The following LPL variants were observed in gnomAD, a reference collection of about 807,000 sequenced individuals.
LPL encodes lipoprotein lipase.
LPL carries 43 observed loss-of-function variants against 52.2 expected under a neutral mutation model. That is an observed-to-expected ratio of 0.82 (90% CI 0.64 to 1.06). LPL has a LOEUF of 1.06. LPL is among the 50% of genes least tolerant of loss of function. LPL has a pLI of 0.00. For missense variants in LPL, 639 were observed against 585.3 expected (o/e 1.09, Z -0.95); for synonymous variants, 244 against 215.6 (o/e 1.13, Z -1.15).
chr8:19,957,306 G>A (rs2069994605), intron 6 of LPL, among the ~76,000 whole-genome samples: 1 of 152,210 alleles, frequency 6.6e-6, no homozygotes, highest in Admixed American at 6.5e-5. Flanking sequence ...AATCCAGATG[G>A]AAACCTGAGG....
rs2069866010 is a variant in LPL, at chr8:19,944,390, C to T, written c.89-3790C>T. 1.4e-5 allele frequency among the ~76,000 whole-genome samples: 2 copies of T among 143,592 alleles called. No homozygotes were observed. The highest frequency in any genetic ancestry group is 5.2e-5 in the African/African-American group (2 of 38,114). 94.2% of individuals were successfully genotyped at this position (143,592 alleles called of 152,430 possible). On this transcript the variant is annotated intron_variant, in intron 1 of 9. Transcript: ENST00000650287. The surrounding 1 kb of genome is among the most constrained non-coding windows in gnomAD (Gnocchi z 4.2). ...ACACTGCCTGAGTCGATAACTATGA[C>T]TATCAGTCTCAGAGAGCAAATGAAT...
intron 1 of LPL, among the ~76,000 whole-genome samples, chr8:19,945,993 A>C (rs1333476224): frequency 6.6e-6 from 1 of 152,162 alleles, no homozygotes; most frequent in Middle Eastern, 3.2e-3. Flanking sequence ...TAACAGGAAA[A>C]GAAGTTCTTG....
At chr8:19,947,656 ACC>A (rs11320112) in intron 1 of LPL, among the ~76,000 whole-genome samples, 3 of 69,712 alleles carry the variant, frequency 4.3e-5, no homozygotes, top group African/African-American at 1.2e-4. Flanking sequence ...AAACAAAACA[ACC>A]CCCCCCCCGC....
Position 19,939,349 on chromosome 8 carries a change from A to G in LPL, c.-92A>G, listed in dbSNP as rs1386508757. The G allele has an allele frequency of 7.7e-7, 1 of 1,296,200 alleles. No individual in the cohort carries two copies. Among genetic ancestry groups the G allele is most frequent in the African/African-American group, 1.5e-5 (1 of 68,236 alleles). The allele number at this position is 1,296,200 out of a possible 1,614,324, so 80.3% of individuals were successfully genotyped here. ...TTTAAAGGGCGACTTGCTCAGCGCC[A>G]AACCGCGGCTCCAGCCCTCTCCAGC... On this transcript the variant is annotated 5_prime_UTR_variant, in exon 1 of 10. Coordinates refer to ENST00000650287, the MANE Select transcript of LPL (RefSeq NM_000237.3). This position sits in a 1 kb window ranked among gnomAD's most constrained non-coding sequence, Gnocchi z 4.0.
At chr8:19,941,764 C>T (rs1046477325) in intron 1 of LPL, among the ~76,000 whole-genome samples, 1 of 152,152 alleles carries the variant, frequency 6.6e-6, no homozygotes, top group African/African-American at 2.4e-5. Flanking sequence ...AGAAAGATGT[C>T]ACCGTGGTAG....
intron 7 of LPL, among the ~76,000 whole-genome samples, chr8:19,960,591 G>T (rs899475418): frequency 3.9e-5 from 6 of 152,120 alleles, no homozygotes; most frequent in Non-Finnish European, 8.8e-5. Flanking sequence ...TAATGTTCAA[G>T]TATCAACACA....
rs1458811290 is a variant in LPL, at chr8:19,965,606, C to T, written c.*296C>T. The T allele has an allele frequency of 3.5e-5, 13 of 376,182 alleles. No individual in the cohort carries two copies. Among genetic ancestry groups the T allele is most frequent in the East Asian group, 2.2e-4 (5 of 22,948 alleles). The allele number at this position is 376,182 out of a possible 1,614,324, so 23.3% of individuals were successfully genotyped here. A position where few individuals can be genotyped will look rare whatever the true frequency, so the allele number is the denominator to read the frequency against. On this transcript the variant is annotated 3_prime_UTR_variant, in exon 10 of 10. Coordinates refer to ENST00000650287, the MANE Select transcript of LPL (RefSeq NM_000237.3). ...TTTGAGAAAGAAATAATTGTTTGAG[C>T]GCAGAGTAAAATAAGGCTCCTTCAT...
chr8:19,950,830 A>C lies in LPL; in HGVS notation c.250-939A>C, dbSNP rs2069927206. Among the ~76,000 whole-genome samples the C allele has an allele frequency of 6.7e-6, 1 of 148,594 alleles. No homozygotes were observed. Among genetic ancestry groups the C allele is most frequent in the African/African-American group, 2.5e-5 (1 of 39,958 alleles). On this transcript the variant is annotated intron_variant, in intron 2 of 9. Coordinates refer to ENST00000650287, the MANE Select transcript of LPL (RefSeq NM_000237.3). This position sits in a 1 kb window ranked among gnomAD's most constrained non-coding sequence, Gnocchi z 4.2. Reference sequence around the variant, plus strand: ...AGAAAGGAAAGAAAGGAGGGAAAGAAAGGAAGGAATGAAAGGAAGGAAGGG... The same window carrying C: ...AGAAAGGAAAGAAAGGAGGGAAAGACAGGAAGGAATGAAAGGAAGGAAGGG...
Position 19,965,495 on chromosome 8 carries a change from C to A in LPL, c.*185C>A. 1.7e-6 allele frequency: 1 copy of A among 574,442 alleles called. No individual in the cohort carries two copies. The highest frequency in any genetic ancestry group is 3.1e-6 in the Non-Finnish European group (1 of 321,590). The allele number at this position is 574,442 out of a possible 1,614,324, so 35.6% of individuals were successfully genotyped here. On this transcript the variant is annotated 3_prime_UTR_variant, in exon 10 of 10. Coordinates refer to ENST00000650287, the MANE Select transcript of LPL (RefSeq NM_000237.3). ...GACAGTCTCAAGCACTAAAAAGTGG[C>A]TAATTCAATTTATGGGGTATAGTGG... is the stretch of plus-strand genomic sequence containing the variant.
rs768747119 is a variant in LPL, at chr8:19,962,172, G to A, written c.1380G>A (p.Ala460=). The change falls in exon 9 of 10, where the codon GCG becomes GCA. Residue 460 remains alanine, a synonymous_variant. Transcript: ENST00000650287. ...ATTTGCAGAAAGGAAAGGCACCTGCGGTATTTGTGAAATGCCATGACAAGT... is the reference window on the plus strand; with the variant it reads ...ATTTGCAGAAAGGAAAGGCACCTGCAGTATTTGTGAAATGCCATGACAAGT... The part of the protein sequence containing the change: ...VSHLQKGKAP[A]VFVKCHDKSL... 20 of 1,613,694 alleles carry A rather than the reference G, an allele frequency of 1.2e-5. No homozygotes were observed. The highest frequency in any genetic ancestry group is 3.3e-5 in the South Asian group (3 of 91,054).
chr8:19,953,238 T>C (rs1342032567), intron 3 of LPL, 72 bp from the exon 4 acceptor site: 2 of 880,486 alleles, frequency 2.3e-6, no homozygotes. Context: ...ACAATATTTA[T>C]ATTCATTTTG....
rs316 is a variant in LPL, at chr8:19,960,925, C to A, written c.1164C>A (p.Thr388=). The change falls in exon 8 of 10, where the codon ACC becomes ACA. Residue 388 remains threonine (T), a synonymous_variant. Transcript: ENST00000650287. The stretch of plus-strand genomic sequence containing the variant: ...GGCCTGAAGTTTCCACAAATAAGAC[C>A]TACTCCTTCCTAATTTACACAGAGG... ...FTLPEVSTNK[T]YSFLIYTEVD... The A allele has an allele frequency of 0.13, 209,269 of 1,612,340 alleles. 14,307 individuals are homozygous for A. The highest frequency in any genetic ancestry group is 0.22 in the African/African-American group (16,764 of 74,848).
At chr8:19,940,017 C>T (rs897743918) in intron 1 of LPL, among the ~76,000 whole-genome samples, 7 of 152,198 alleles carry the variant, frequency 4.6e-5, no homozygotes, top group Non-Finnish European at 1.0e-4. Flanking sequence ...GTGGCCCCTT[C>T]TGGGGAAGCC....
At position 19,956,025 on chromosome 8, in the gene LPL, C is replaced by A; in HGVS notation, c.960C>A (p.Val320=). 1 of 1,614,168 alleles carries A rather than the reference C, an allele frequency of 6.2e-7. No homozygotes were observed. The highest frequency in any genetic ancestry group is 8.5e-7 in the Non-Finnish European group (1 of 1,180,040). Reference sequence around the variant, plus strand: ...ATCTGGGCTATGAGATCAATAAAGTCAGAGCCAAAAGAAGCAGCAAAATGT... The same window carrying A: ...ATCTGGGCTATGAGATCAATAAAGTAAGAGCCAAAAGAAGCAGCAAAATGT... ...CNNLGYEINK[V]RAKRSSKMYL... is the part of the protein sequence containing the mutation. Residue 320 remains valine (V), a synonymous_variant, in exon 6 of 10, where the codon GTC becomes GTA. Transcript: ENST00000650287.
chr8:19,940,940 C>T (rs1453115335), intron 1 of LPL, among the ~76,000 whole-genome samples: 2 of 151,574 alleles, frequency 1.3e-5, no homozygotes, highest in African/African-American at 4.9e-5. Flanking sequence ...AAAAAAAATA[C>T]AAAAATTAGC....
intron 2 of LPL, among the ~76,000 whole-genome samples, chr8:19,949,505 T>C (rs1318725624): frequency 6.6e-6 from 1 of 152,212 alleles, no homozygotes; most frequent in Non-Finnish European, 1.5e-5. Flanking sequence ...TTTTTTGAGA[T>C]GGAGGCTCAC....
chr8:19,963,794 T>C (rs975806932), intron 9 of LPL, among the ~76,000 whole-genome samples: 1 of 152,176 alleles, frequency 6.6e-6, no homozygotes, highest in Non-Finnish European at 1.5e-5. Flanking sequence ...GAATAGTTAG[T>C]GGTATTGAGC....
chr8:19,959,764 CAA>C (rs938257584), intron 7 of LPL, among the ~76,000 whole-genome samples: 1 of 116,806 alleles, frequency 8.6e-6, no homozygotes, highest in Admixed American at 9.4e-5. Flanking sequence ...AAGTCCATGA[CAA>C]AGTGTTAGCT....
At chr8:19,946,147 T>C (rs910839623) in intron 1 of LPL, among the ~76,000 whole-genome samples, 6 of 152,160 alleles carry the variant, frequency 3.9e-5, no homozygotes, top group African/African-American at 1.4e-4. Flanking sequence ...AGCATATTCT[T>C]GGTGGATGAA....
Sources: allele counts gnomAD v4.1 joint callset (sites outside exome capture counted in the v4.1 genomes callset), GRCh38; gene constraint gnomAD v4.1.1; non-coding constraint Gnocchi (gnomAD v3.1); transcripts MANE v1.5; gene names NCBI Gene and HGNC (gene_info 2026-07-23, HGNC 2026-07-21).